The following AGBL4 variants were observed in gnomAD, a reference collection of about 807,000 sequenced individuals.
AGBL4 encodes the protein AGBL carboxypeptidase 4.
A neutral mutation model predicts 66.4 loss-of-function variants in AGBL4; 58 were observed. The observed-to-expected ratio is 0.87, with a 90% CI of 0.71 to 1.09. The LOEUF (loss-of-function observed/expected upper bound fraction) is 1.09, where lower values mean the gene tolerates loss of function less well. Among genes scored for constraint, AGBL4 ranks in the 50% least tolerant of loss-of-function variants. The pLI is 0.00. For missense variants in AGBL4, 579 were observed against 631.0 expected (o/e 0.92, Z 0.88); for synonymous variants, 234 against 222.9 (o/e 1.05, Z -0.44).
Position 49,305,367 on chromosome 1 carries a change from T to A in AGBL4, c.283-59503A>T, listed in dbSNP as rs75115520. ...CTGCCTGCAGATACCAAAATCCACA[T>A]GCAAACTCAAAGCCTCACAGCTGGC... On this transcript the variant is annotated intron_variant, in intron 3 of 13. Transcript: ENST00000371839. Among the ~76,000 whole-genome samples, 563 of 152,190 alleles carry A rather than the reference T, an allele frequency of 3.7e-3. 1 individual carries two copies. The highest frequency in any genetic ancestry group is 0.013 in the African/African-American group (523 of 41,558).
At chr1:49,564,290 T>C (rs1162911953) in intron 3 of AGBL4, among the ~76,000 whole-genome samples, 1 of 152,206 alleles carries the variant, frequency 6.6e-6, no homozygotes, top group African/African-American at 2.4e-5. Context: ...GAAGGGCTTT[T>C]TGTGTCTCTA....
chr1:48,934,046 G>GT (rs1655255528), intron 5 of AGBL4, among the ~76,000 whole-genome samples: 1 of 152,156 alleles, frequency 6.6e-6, no homozygotes, highest in African/African-American at 2.4e-5. Context: ...GCCTATTTTG[G>GT]TAAGTGCCTC....
At chr1:49,640,062 C>T in intron 3 of AGBL4, among the ~76,000 whole-genome samples, 1 of 152,050 alleles carries the variant, frequency 6.6e-6, no homozygotes, top group East Asian at 1.9e-4. Context: ...ATCAGTGGGG[C>T]CATCCTCACT....
intron 1 of AGBL4, among the ~76,000 whole-genome samples, chr1:49,858,164 A>T (rs1646480027): frequency 6.6e-6 from 1 of 152,142 alleles, no homozygotes; most frequent in Non-Finnish European, 1.5e-5. Context: ...AACCACAATG[A>T]GATACCATCT....
chr1:49,474,825 G>A (rs1646815228), intron 3 of AGBL4, among the ~76,000 whole-genome samples: 2 of 151,924 alleles, frequency 1.3e-5, no homozygotes, highest in Admixed American at 6.6e-5. Context: ...TGAAATAACT[G>A]GAGTGTTGTA....
chr1:49,286,949 C>G (rs1352588711), intron 3 of AGBL4, among the ~76,000 whole-genome samples: 1 of 152,096 alleles, frequency 6.6e-6, no homozygotes, highest in Non-Finnish European at 1.5e-5. Context: ...ATCACGCTAC[C>G]TGACTTCAAA....
At chr1:49,509,251 A>T (rs1648975120) in intron 3 of AGBL4, among the ~76,000 whole-genome samples, 2 of 151,822 alleles carry the variant, frequency 1.3e-5, no homozygotes. Context: ...ACAAAGGCAA[A>T]GAGATAGGAA....
intron 6 of AGBL4, among the ~76,000 whole-genome samples, chr1:48,717,879 A>G (rs911339752): frequency 6.6e-6 from 1 of 152,198 alleles, no homozygotes; most frequent in South Asian, 2.1e-4. Flanking sequence ...CGGTATCTTC[A>G]TCAGGAGAAA....
At chr1:49,681,630 T>C (rs1393815403) in intron 3 of AGBL4, among the ~76,000 whole-genome samples, 2 of 152,206 alleles carry the variant, frequency 1.3e-5, no homozygotes, top group Non-Finnish European at 2.9e-5. Context: ...GGGTTTTAGT[T>C]GCATTTACTA....
At chr1:49,388,257 T>C (rs143733811) in intron 3 of AGBL4, among the ~76,000 whole-genome samples, 363 of 152,218 alleles carry the variant, frequency 2.4e-3, no homozygotes, top group African/African-American at 8.1e-3. Context: ...TTTAGGCTTA[T>C]AGGCCATAGA....
At chr1:48,623,973 A>T (rs1248189572) in intron 9 of AGBL4, among the ~76,000 whole-genome samples, 2 of 152,282 alleles carry the variant, frequency 1.3e-5, no homozygotes, top group Non-Finnish European at 2.9e-5. Flanking sequence ...GGCCTGGGTA[A>T]TTGAGTGACC....
At chr1:49,931,239 GA>G (rs1307589857) in intron 1 of AGBL4, among the ~76,000 whole-genome samples, 4 of 151,954 alleles carry the variant, frequency 2.6e-5, no homozygotes, top group Admixed American at 1.3e-4. Context: ...ATATTACTGA[GA>G]AAAAAATAAA....
chr1:49,427,281 G>A (rs955416575), intron 3 of AGBL4, among the ~76,000 whole-genome samples: 1 of 152,132 alleles, frequency 6.6e-6, no homozygotes, highest in African/African-American at 2.4e-5. Flanking sequence ...GGGCCTTGAA[G>A]AGAATGTGGG....
chr1:49,824,671 A>T (rs1393870374), intron 2 of AGBL4, among the ~76,000 whole-genome samples: 1 of 152,248 alleles, frequency 6.6e-6, no homozygotes, highest in Non-Finnish European at 1.5e-5. Context: ...GAAGGGTAGG[A>T]ATGGCTTTTA....
intron 3 of AGBL4, among the ~76,000 whole-genome samples, chr1:49,621,311 G>C (rs1051525155): frequency 6.6e-6 from 1 of 152,148 alleles, no homozygotes. Flanking sequence ...TGCTGTGTCC[G>C]GTTTCCATTG....
At chr1:50,004,069 G>T (rs1023515480) in intron 1 of AGBL4, among the ~76,000 whole-genome samples, 11 of 152,154 alleles carry the variant, frequency 7.2e-5, no homozygotes, top group Non-Finnish European at 1.6e-4. Context: ...CTAAGCCACT[G>T]CTCCCCCATC....
At chr1:49,963,326 A>G (rs1245466801) in intron 1 of AGBL4, among the ~76,000 whole-genome samples, 2 of 152,148 alleles carry the variant, frequency 1.3e-5, no homozygotes, top group Non-Finnish European at 2.9e-5. Flanking sequence ...GCACAGAAGC[A>G]GTGAGTGTTT....
intron 3 of AGBL4, among the ~76,000 whole-genome samples, chr1:49,516,072 C>A (rs1027736992): frequency 4.6e-5 from 7 of 151,134 alleles, no homozygotes; most frequent in Non-Finnish European, 8.9e-5. Flanking sequence ...CTGCCCCCCC[C>A]CACAAAAAAA....
chr1:49,822,143 T>A (rs902598110), intron 2 of AGBL4, among the ~76,000 whole-genome samples: 1 of 152,030 alleles, frequency 6.6e-6, no homozygotes, highest in East Asian at 1.9e-4. Context: ...AGAAAAAAAA[T>A]TGGGGGGGTT....
Sources: allele counts gnomAD v4.1 joint callset (sites outside exome capture counted in the v4.1 genomes callset), GRCh38; gene constraint gnomAD v4.1.1; transcripts MANE v1.5; gene names NCBI Gene and HGNC (gene_info 2026-07-23, HGNC 2026-07-21).